Variants in MYT1L observed in about 807,000 individuals in gnomAD.
MYT1L encodes myelin transcription factor 1-like protein.
MYT1L carries 12 observed loss-of-function variants against 126.7 expected under a neutral mutation model. The ratio of observed to expected loss-of-function variants is 0.09; its 90% confidence interval spans 0.06 to 0.15. The LOEUF is 0.15. MYT1L is among the 10% of genes least tolerant of loss of function. The pLI is 1.00. For synonymous variants in MYT1L, 541 were observed against 604.2 expected (o/e 0.90, Z 1.53); for missense variants, 979 against 1,585.2 (o/e 0.62, Z 6.49).
At chr2:2,015,285 C>T (rs1034377318) in intron 4 of MYT1L, among the ~76,000 whole-genome samples, 4 of 151,882 alleles carry the variant, frequency 2.6e-5, no homozygotes, top group Non-Finnish European at 5.9e-5. Flanking sequence ...GGAAAGGAGA[C>T]AGTGCAGGCG....
At chr2:2,090,309 G>A (rs1365141102) in intron 3 of MYT1L, among the ~76,000 whole-genome samples, 1 of 151,946 alleles carries the variant, frequency 6.6e-6, no homozygotes, top group African/African-American at 2.4e-5. Context: ...CACAATAAAG[G>A]GAATACGGTA....
Position 2,263,386 on chromosome 2 carries a change from G to A in MYT1L, c.-421+21018C>T, listed in dbSNP as rs527946843. On this transcript the variant is annotated intron_variant, in intron 2 of 24. Transcript: ENST00000647738. ...TGCTGCACATATGCAAAACCCGGTCGCAGAATGTATTGCCTGATGAAGGAA... is the reference window on the plus strand; with the variant it reads ...TGCTGCACATATGCAAAACCCGGTCACAGAATGTATTGCCTGATGAAGGAA... Among the ~76,000 whole-genome samples, 61 of 152,086 alleles carry A rather than the reference G, an allele frequency of 4.0e-4. 1 individual carries two copies. The highest frequency in any genetic ancestry group is 2.4e-4 in the Non-Finnish European group (16 of 68,030).
intron 11 of MYT1L, among the ~76,000 whole-genome samples, chr2:1,916,989 T>C (rs2052934698): frequency 6.6e-6 from 1 of 152,158 alleles, no homozygotes; most frequent in African/African-American, 2.4e-5. Flanking sequence ...GGAGCTTTGT[T>C]AGGGGCGGTG....
intron 1 of MYT1L, among the ~76,000 whole-genome samples, chr2:2,296,453 A>G (rs1252199979): frequency 6.6e-6 from 1 of 152,364 alleles, no homozygotes; most frequent in East Asian, 1.9e-4. Context: ...ATTAAAAAAT[A>G]TAAACAAAAG....
chr2:1,982,353 G>A (rs192764548), intron 5 of MYT1L, among the ~76,000 whole-genome samples: 3 of 152,146 alleles, frequency 2.0e-5, no homozygotes, highest in Non-Finnish European at 2.9e-5. Context: ...GGGTAAAATC[G>A]TATTCTTTAA....
At chr2:2,227,570 T>A (rs2149033762) in intron 2 of MYT1L, among the ~76,000 whole-genome samples, 1 of 152,288 alleles carries the variant, frequency 6.6e-6, no homozygotes, top group East Asian at 1.9e-4. Flanking sequence ...CCTGCACTGC[T>A]CCTGTCCTGG....
chr2:2,068,174 C>T (rs1044039867), intron 3 of MYT1L, among the ~76,000 whole-genome samples: 1 of 152,090 alleles, frequency 6.6e-6, no homozygotes. Flanking sequence ...TTGGAGGAGA[C>T]ACTTTAGAAG....
At chr2:1,965,590 C>T (rs62116700) in intron 8 of MYT1L, among the ~76,000 whole-genome samples, 7 of 152,246 alleles carry the variant, frequency 4.6e-5, no homozygotes, top group South Asian at 4.1e-4. Context: ...GGGGTCCCAT[C>T]GCCCCTGCCC....
chr2:1,839,377 G>A lies in MYT1L; in HGVS notation c.2859-7C>T. The A allele has an allele frequency of 6.2e-7, 1 of 1,609,530 alleles. No homozygotes were observed. The highest frequency in any genetic ancestry group is 1.3e-5 in the African/African-American group (1 of 75,004). ...GCACCCGGGGACCGGACACCTGTAG[G>A]CAGGCAGAGGTGACACACTTTATTG... On this transcript the variant is annotated splice_region_variant and splice_polypyrimidine_tract_variant and intron_variant, in intron 20 of 24. Transcript: ENST00000647738.
chr2:2,078,473 T>C (rs2075455063), intron 3 of MYT1L, among the ~76,000 whole-genome samples: 1 of 152,066 alleles, frequency 6.6e-6, no homozygotes, highest in Non-Finnish European at 1.5e-5. Flanking sequence ...CCACAAATAA[T>C]TTGAAAGTAA....
chr2:1,992,823 T>C (rs1294571015), intron 5 of MYT1L, among the ~76,000 whole-genome samples: 1 of 152,196 alleles, frequency 6.6e-6, no homozygotes, highest in Non-Finnish European at 1.5e-5. Flanking sequence ...AAAATTATGA[T>C]TTAGGAGTCA....
intron 2 of MYT1L, among the ~76,000 whole-genome samples, chr2:2,234,795 C>T (rs1179046280): frequency 1.3e-5 from 2 of 152,150 alleles, no homozygotes; most frequent in Non-Finnish European, 2.9e-5. Flanking sequence ...GCTTGGAGAA[C>T]TCAAGCAAAA....
At chr2:2,009,575 T>C (rs1350443437) in intron 4 of MYT1L, among the ~76,000 whole-genome samples, 1 of 152,246 alleles carries the variant, frequency 6.6e-6, no homozygotes, top group African/African-American at 2.4e-5. Context: ...GCCGAATTCA[T>C]TCATAATTCT....
intron 3 of MYT1L, among the ~76,000 whole-genome samples, chr2:2,146,424 T>C (rs2148243787): frequency 6.6e-6 from 1 of 152,006 alleles, no homozygotes; most frequent in East Asian, 1.9e-4. Flanking sequence ...TGAGTGTGGG[T>C]GGTAAGCACC....
chr2:2,297,960 G>A (rs1465802821), intron 1 of MYT1L, among the ~76,000 whole-genome samples: 1 of 152,182 alleles, frequency 6.6e-6, no homozygotes, highest in African/African-American at 2.4e-5. Context: ...ACACAACGAG[G>A]ACCTGAGAAG....
intron 4 of MYT1L, among the ~76,000 whole-genome samples, chr2:2,032,413 C>T (rs1464680643): frequency 2.7e-5 from 2 of 74,960 alleles, no homozygotes; most frequent in African/African-American, 1.3e-4. Context: ...GAGGGCCTTA[C>T]ACACACCCTC....
chr2:1,861,103 AC>A (rs2044537247), intron 18 of MYT1L, among the ~76,000 whole-genome samples: 1 of 152,054 alleles, frequency 6.6e-6, no homozygotes, highest in African/African-American at 2.4e-5. Context: ...AAATCTGAGG[AC>A]CCCGAGGCCC....
At chr2:2,208,861 T>C (rs952760272) in intron 2 of MYT1L, among the ~76,000 whole-genome samples, 5 of 152,202 alleles carry the variant, frequency 3.3e-5, no homozygotes, top group Non-Finnish European at 5.9e-5. Flanking sequence ...TATACATTGG[T>C]TACTATAACT....
chr2:1,809,202 T>C, intron 21 of MYT1L, 35 bp from the exon 22 acceptor site: 1 of 1,590,602 alleles, frequency 6.3e-7, no homozygotes, highest in Non-Finnish European at 8.6e-7. Context: ...ATTAGTCAAC[T>C]GTCTAATGTC....
Sources: gnomAD v4.1 joint callset for allele counts (sites outside exome capture counted in the v4.1 genomes callset) on GRCh38, gnomAD v4.1.1 for gene constraint, MANE v1.5 for transcripts, NCBI Gene and HGNC (gene_info 2026-07-23, HGNC 2026-07-21) for gene names.